The following HDAC9 variants were observed in gnomAD, a reference collection of about 807,000 sequenced individuals.
The protein encoded by HDAC9 is MEF-2 interacting transcription repressor (MITR) protein.
A neutral mutation model predicts 139.4 loss-of-function variants in HDAC9; 41 were observed. The ratio of observed to expected loss-of-function variants is 0.29; its 90% CI spans 0.23 to 0.38. HDAC9 has a LOEUF of 0.38. Among genes scored for constraint, HDAC9 ranks in the 10% least tolerant of loss-of-function variants. The pLI is 1.00. For missense variants in HDAC9, 1,147 were observed against 1,297.0 expected (o/e 0.88, Z 1.78); for synonymous variants, 517 against 476.2 (o/e 1.09, Z -1.12).
intron 8 of HDAC9, 79 bp from the exon 9 acceptor site, chr7:18,644,592 C>T: frequency 8.3e-7 from 1 of 1,207,714 alleles, no homozygotes; most frequent in Non-Finnish European, 1.2e-6. Context: ...ATGGTAAGAC[C>T]CATTTTCTGA....
intron 21 of HDAC9, among the ~76,000 whole-genome samples, chr7:18,836,602 G>C (rs1207439967): frequency 6.6e-6 from 1 of 152,032 alleles, no homozygotes. Flanking sequence ...TATTCACATA[G>C]CATTCTGCTT....
At chr7:18,330,720 A>G (rs546227769) in intron 1 of HDAC9, among the ~76,000 whole-genome samples, 1 of 151,822 alleles carries the variant, frequency 6.6e-6, no homozygotes, top group African/African-American at 2.4e-5. Context: ...GAATTTTTGT[A>G]GCCAACTTAG....
intron 1 of HDAC9, among the ~76,000 whole-genome samples, chr7:18,309,955 G>C (rs1326386613): frequency 6.6e-6 from 1 of 152,200 alleles, no homozygotes; most frequent in Non-Finnish European, 1.5e-5. Context: ...TGGTAGGGCA[G>C]TGGTCCTCAA....
intron 2 of HDAC9, among the ~76,000 whole-genome samples, chr7:18,236,052 G>T (rs77174679): frequency 0.071 from 10,876 of 152,196 alleles, 754 homozygotes; most frequent in African/African-American, 0.18. Flanking sequence ...CCTCACTGGA[G>T]TTGTTTTGTT....
chr7:18,714,443 A>G (rs1784559665), intron 12 of HDAC9, among the ~76,000 whole-genome samples: 1 of 152,158 alleles, frequency 6.6e-6, no homozygotes, highest in African/African-American at 2.4e-5. Flanking sequence ...CAAGTACTGC[A>G]TGGCCTCCAC....
chr7:18,374,218 TAC>T (rs112345551), intron 1 of HDAC9, among the ~76,000 whole-genome samples: 1 of 145,214 alleles, frequency 6.9e-6, no homozygotes, highest in Non-Finnish European at 1.5e-5. Context: ...TATATATATA[TAC>T]ACACACACAT....
intron 2 of HDAC9, chr7:18,162,622 A>C (rs1484627273): frequency 2.2e-6 from 1 of 451,154 alleles, no homozygotes; most frequent in Non-Finnish European, 4.0e-6. Context: ...ATTGAACTTT[A>C]TGAAGTTATG....
chr7:18,087,593 T>TG (rs556001523), intron 1 of HDAC9, among the ~76,000 whole-genome samples: 2 of 152,122 alleles, frequency 1.3e-5, no homozygotes, highest in Non-Finnish European at 2.9e-5. Flanking sequence ...CAACGCTTAT[T>TG]GGGGGGTACC....
At chr7:18,107,961 T>C (rs1477072528) in intron 1 of HDAC9, among the ~76,000 whole-genome samples, 1 of 152,240 alleles carries the variant, frequency 6.6e-6, no homozygotes, top group Non-Finnish European at 1.5e-5. Flanking sequence ...AATCAGATTC[T>C]TAGACAAAGA....
At position 18,941,500 on chromosome 7, in the gene HDAC9, T is replaced by C. The variant is rs1348771076; in HGVS notation, c.2937+5558T>C. Among the ~76,000 whole-genome samples the C allele has an allele frequency of 2.0e-5, 3 of 152,268 alleles. No homozygotes were observed. The East Asian group carries it at 5.8e-4, about 29-fold the overall frequency. ...GTTGCTCATCAGGGGTTTGTTTTCA[T>C]TGGATTCCGAATAGGGAAGTTGTTT... On this transcript the variant is annotated intron_variant, in intron 23 of 25. Coordinates refer to ENST00000686413, the MANE Select transcript of HDAC9 (RefSeq NM_178425.4).
At chr7:18,261,966 A>G (rs1230244576) in intron 2 of HDAC9, among the ~76,000 whole-genome samples, 1 of 152,236 alleles carries the variant, frequency 6.6e-6, no homozygotes, top group Non-Finnish European at 1.5e-5. Flanking sequence ...CCAAGCAGCT[A>G]ATATTTTGTT....
intron 21 of HDAC9, among the ~76,000 whole-genome samples, chr7:18,871,963 A>G (rs1350071840): frequency 3.3e-5 from 5 of 152,152 alleles, no homozygotes; most frequent in African/African-American, 9.6e-5. Context: ...CATAGTAGAC[A>G]CTGAATATAT....
At chr7:18,959,003 C>T (rs574452490) in intron 24 of HDAC9, among the ~76,000 whole-genome samples, 6 of 152,250 alleles carry the variant, frequency 3.9e-5, no homozygotes, top group East Asian at 3.9e-4. Flanking sequence ...ATGCCAGTAA[C>T]GAGTCAGCCC....
intron 2 of HDAC9, among the ~76,000 whole-genome samples, chr7:18,201,472 A>G (rs745679586): frequency 2.0e-5 from 3 of 152,194 alleles, no homozygotes; most frequent in Non-Finnish European, 2.9e-5. Context: ...ACAGTCCCCT[A>G]CTGAGCTTAG....
At chr7:18,989,643 G>T (rs572817202) in intron 25 of HDAC9, among the ~76,000 whole-genome samples, 15 of 151,264 alleles carry the variant, frequency 9.9e-5, no homozygotes, top group Non-Finnish European at 2.2e-4. Flanking sequence ...ATATCCTGCA[G>T]AGTGTTTTCC....
At chr7:18,190,203 G>A (rs995909502) in intron 2 of HDAC9, among the ~76,000 whole-genome samples, 2 of 151,942 alleles carry the variant, frequency 1.3e-5, no homozygotes, top group African/African-American at 4.8e-5. Context: ...TCTTACCCTC[G>A]CAAAGTGCTG....
chr7:18,157,817 G>GAGAC (rs1332777785), intron 1 of HDAC9, among the ~76,000 whole-genome samples: 1 of 131,994 alleles, frequency 7.6e-6, no homozygotes, highest in East Asian at 2.1e-4. Flanking sequence ...GAGAGAGAGA[G>GAGAC]AGAGAGAGAG....
intron 2 of HDAC9, among the ~76,000 whole-genome samples, chr7:18,266,803 T>C (rs1330566646): frequency 6.6e-6 from 1 of 152,128 alleles, no homozygotes; most frequent in Non-Finnish European, 1.5e-5. Context: ...TGAGAAAACA[T>C]ATAACATCTT....
At chr7:18,692,928 C>T (rs1467274393) in intron 12 of HDAC9, among the ~76,000 whole-genome samples, 5 of 151,868 alleles carry the variant, frequency 3.3e-5, no homozygotes, top group Admixed American at 2.6e-4. Context: ...ATTCAGTAGC[C>T]GATGATAAAT....
Sources: allele counts gnomAD v4.1 joint callset (sites outside exome capture counted in the v4.1 genomes callset), GRCh38; gene constraint gnomAD v4.1.1; transcripts MANE v1.5; gene names NCBI Gene and HGNC (gene_info 2026-07-23, HGNC 2026-07-21).